MANBA: variants seen among roughly 807,000 people sequenced by gnomAD.
MANBA encodes mannosidase beta, also known as beta-mannosidase.
MANBA carries 83 observed loss-of-function variants against 111.1 expected under a neutral mutation model. That is an observed-to-expected ratio of 0.75 (90% confidence interval 0.63 to 0.90). The LOEUF (loss-of-function observed/expected upper bound fraction) is 0.90, where lower values mean the gene tolerates loss of function less well. Ranked by LOEUF, MANBA falls within the 40% of genes least tolerant of loss-of-function variation. MANBA has a pLI of 0.00. For synonymous variants in MANBA, 370 were observed against 378.7 expected (o/e 0.98, Z 0.27); for missense variants, 1,036 against 1,069.0 (o/e 0.97, Z 0.43).
rs369478532 is a variant in MANBA at position 102,671,394 on chromosome 4, G to A, written c.1117C>T (p.Arg373Trp). 1.3e-4 allele frequency: 204 copies of A among 1,564,554 alleles called. No individual in the cohort carries two copies. In the South Asian group the frequency reaches 2.0e-3, roughly 16 times the overall value. Reference protein sequence around the residue: ...FQDRVTSELLRLLLQSVVDAN... With the variant: ...FQDRVTSELLWLLLQSVVDAN... ...TCCACAACAGACTGTAAAAGGAGCC[G>A]TAACCTGTAGAAGACATTTTAGAAA... is the stretch of plus-strand genomic sequence containing the variant. Residue 373 changes from arginine to tryptophan, a missense_variant, in exon 9 of 17, where the codon CGG (arginine) becomes TGG (tryptophan). Physicochemically the swap from Arg to Trp is moderately radical, Grantham distance 101. Coordinates refer to ENST00000647097, the MANE Select transcript of MANBA (RefSeq NM_005908.4).
At chr4:102,647,768 C>T (rs1560746531) in intron 13 of MANBA, among the ~76,000 whole-genome samples, 1 of 152,032 alleles carries the variant, frequency 6.6e-6, no homozygotes, top group Non-Finnish European at 1.5e-5. Context: ...ATGATTGAAA[C>T]ATTAAAATTC....
chr4:102,738,494 G>A (rs191508141), intron 1 of MANBA, among the ~76,000 whole-genome samples: 223 of 152,310 alleles, frequency 1.5e-3, no homozygotes, highest in African/African-American at 5.3e-3. Context: ...AGACTCACAA[G>A]GGCAATAACA....
intron 7 of MANBA, among the ~76,000 whole-genome samples, chr4:102,674,579 A>G (rs1731645314): frequency 6.6e-6 from 1 of 152,180 alleles, no homozygotes; most frequent in South Asian, 2.1e-4. Flanking sequence ...TTACACATTA[A>G]ACTCAATGTT....
At chr4:102,730,035 A>C (rs1722971584) in intron 1 of MANBA, 6 of 802,556 alleles carry the variant, frequency 7.5e-6, no homozygotes, top group African/African-American at 1.7e-5. Flanking sequence ...ACAACCTTGG[A>C]AGCTGCTGCT....
chr4:102,756,352 T>C (rs1724016365), intron 1 of MANBA, among the ~76,000 whole-genome samples: 1 of 152,202 alleles, frequency 6.6e-6, no homozygotes, highest in Non-Finnish European at 1.5e-5. Context: ...CAAACCATCA[T>C]TCTGAGCAAA....
At chr4:102,759,206 G>T (rs2110216521) in intron 1 of MANBA, among the ~76,000 whole-genome samples, 1 of 148,372 alleles carries the variant, frequency 6.7e-6, no homozygotes, top group South Asian at 2.1e-4. Flanking sequence ...TTGGCCTCAA[G>T]AAATTTTCCC....
intron 4 of MANBA, among the ~76,000 whole-genome samples, chr4:102,717,716 A>G (rs949503747): frequency 6.6e-6 from 1 of 152,158 alleles, no homozygotes; most frequent in African/African-American, 2.4e-5. Context: ...TTCAGAAGGA[A>G]CAGCATGTGC....
intron 5 of MANBA, among the ~76,000 whole-genome samples, chr4:102,701,476 A>G (rs1425430540): frequency 2.6e-5 from 4 of 152,180 alleles, no homozygotes; most frequent in Non-Finnish European, 5.9e-5. Context: ...ACATTTTGGC[A>G]TGATTTTGTA....
intron 2 of MANBA, 33 bp downstream of exon 2, chr4:102,726,553 AAAT>A (rs1042095137): frequency 8.9e-7 from 1 of 1,123,156 alleles, no homozygotes; most frequent in African/African-American, 1.6e-5. Flanking sequence ...AGAAAAGTTC[AAAT>A]AATAATAAAA....
chr4:102,734,232 C>T (rs1723127909), intron 1 of MANBA: 1 of 875,090 alleles, frequency 1.1e-6, no homozygotes, highest in Admixed American at 2.9e-5. Flanking sequence ...ACCCTCTGTA[C>T]TTTCTGTTCA....
chr4:102,729,346 G>T (rs56102357), intron 1 of MANBA: 3 of 759,084 alleles, frequency 4.0e-6, no homozygotes, highest in Admixed American at 1.8e-5. Context: ...CTCAGCCTTG[G>T]CCTGGCTGCA....
chr4:102,643,599 G>T (rs1729975897), intron 13 of MANBA, among the ~76,000 whole-genome samples: 1 of 152,064 alleles, frequency 6.6e-6, no homozygotes, highest in Non-Finnish European at 1.5e-5. Context: ...ATATTGTAGT[G>T]GATATAACTG....
At chr4:102,704,029 A>G (rs917927256) in intron 5 of MANBA, among the ~76,000 whole-genome samples, 3 of 152,000 alleles carry the variant, frequency 2.0e-5, no homozygotes, top group Non-Finnish European at 4.4e-5. Flanking sequence ...TGGGAGGTGG[A>G]GGTTGCAGTG....
intron 12 of MANBA, among the ~76,000 whole-genome samples, chr4:102,657,220 G>GGTT (rs139301599): frequency 1.1e-5 from 1 of 90,222 alleles, no homozygotes; most frequent in Non-Finnish European, 2.4e-5. Flanking sequence ...AGAGGAGTGG[G>GGTT]GTGGGGGGGG....
intron 11 of MANBA, among the ~76,000 whole-genome samples, chr4:102,661,971 G>A (rs1354114021): frequency 6.6e-6 from 1 of 152,058 alleles, no homozygotes; most frequent in East Asian, 1.9e-4. Context: ...AAGCAGTAGT[G>A]GTTATGTAGC....
chr4:102,639,789 A>C lies in MANBA; in HGVS notation c.1938T>G (p.Asp646Glu). ...GTGCCCCCATCGTGTGCCCTTGCTG[A>C]TCCACTATCTCGCTGCGACTACGGC... ...FYRRSRSEIVDQQGHTMGALY... is the reference protein window; with the variant it reads ...FYRRSRSEIVEQQGHTMGALY... Residue 646 changes from aspartate (D) to glutamate (E), a missense_variant, in exon 14 of 17, where the codon GAT becomes GAG. By Grantham distance (45) the Asp-to-Glu change is conservative. Transcript: ENST00000647097. 1.2e-6 allele frequency: 2 copies of C among 1,614,078 alleles called. No homozygotes were observed. Among genetic ancestry groups the C allele is most frequent in the South Asian group, 2.2e-5 (2 of 91,082 alleles).
At chr4:102,671,127 G>GCT (rs1394593452) in intron 9 of MANBA, 154 bp downstream of exon 9, 2 of 633,350 alleles carry the variant, frequency 3.2e-6, no homozygotes, top group Non-Finnish European at 5.8e-6. Flanking sequence ...ATCACCTATG[G>GCT]CTCTTGGTTT....
chr4:102,690,745 C>T lies in MANBA; in HGVS notation c.700G>A (p.Glu234Lys), dbSNP rs762976551. The T allele has an allele frequency of 2.4e-5, 38 of 1,576,034 alleles. No individual in the cohort carries two copies. The South Asian group carries it at 2.9e-4, about 12-fold the overall frequency. The change falls in exon 6 of 17, where the codon GAA becomes AAA. Residue 234 changes from glutamate to lysine, a missense_variant. By Grantham distance (56) the Glu-to-Lys change is moderately conservative (BLOSUM62 1). Coordinates refer to ENST00000647097, the MANE Select transcript of MANBA (RefSeq NM_005908.4). ...ACAACATCAAATGTAGACTCTATTT[C>T]CAGATTCCACTCCTGGGCACTCTTA... ...YDKSAQEWNL[E>K]IESTFDVVSS...
chr4:102,749,424 G>A (rs947815668), intron 1 of MANBA, among the ~76,000 whole-genome samples: 1 of 152,214 alleles, frequency 6.6e-6, no homozygotes, highest in Non-Finnish European at 1.5e-5. Flanking sequence ...AATTAACCCT[G>A]AGAAAATGTT....
Sources: allele counts gnomAD v4.1 joint callset (sites outside exome capture counted in the v4.1 genomes callset), GRCh38; gene constraint gnomAD v4.1.1; transcripts MANE v1.5; gene names NCBI Gene and HGNC (gene_info 2026-07-23, HGNC 2026-07-21).